CACNA1I: variants seen among roughly 807,000 people sequenced by gnomAD.
The protein encoded by CACNA1I is calcium voltage-gated channel subunit alpha1 I.
CACNA1I carries 74 observed loss-of-function variants against 201.6 expected under a neutral mutation model. The observed-to-expected ratio is 0.37, with a 90% CI of 0.30 to 0.45. The LOEUF is 0.45. Ranked by LOEUF, CACNA1I falls within the 20% of genes least tolerant of loss-of-function variation. CACNA1I has a pLI of 1.00. For missense variants in CACNA1I, 2,346 were observed against 3,138.1 expected (o/e 0.75, Z 6.03); for synonymous variants, 1,431 against 1,345.2 (o/e 1.06, Z -1.40).
intron 7 of CACNA1I, among the ~76,000 whole-genome samples, chr22:39,643,794 G>A (rs1051924377): frequency 1.3e-5 from 2 of 152,190 alleles, no homozygotes; most frequent in African/African-American, 4.8e-5. Context: ...AAGGAGAGGG[G>A]CCAGATTTTA....
chr22:39,571,970 G>A (rs1330803879), intron 1 of CACNA1I, among the ~76,000 whole-genome samples: 1 of 152,196 alleles, frequency 6.6e-6, no homozygotes, highest in Non-Finnish European at 1.5e-5. Flanking sequence ...GCGTTGGTTG[G>A]GTAGAGAGGG....
chr22:39,620,009 GTCTATCCATCCATCCA>G (rs1933682487), intron 4 of CACNA1I, among the ~76,000 whole-genome samples: 1 of 93,040 alleles, frequency 1.1e-5, no homozygotes, highest in African/African-American at 4.6e-5. Context: ...CCATCCACCT[GTCTATCCATCCATCCA>G]TCCATCCATC....
chr22:39,577,598 T>C (rs1259148218), intron 1 of CACNA1I, among the ~76,000 whole-genome samples: 2 of 152,248 alleles, frequency 1.3e-5, no homozygotes, highest in Admixed American at 6.5e-5. Context: ...GCTGTGAACC[T>C]GGACTGCGCG....
Position 39,670,016 on chromosome 22 carries a change from G to C in CACNA1I, c.4195-22G>C, listed in dbSNP as rs372330278. The C allele has an allele frequency of 3.5e-5, 56 of 1,611,824 alleles. No homozygotes were observed. In the Middle Eastern group the frequency reaches 6.7e-4, roughly 19 times the overall value. ...CTGTAGGGCCCAATCAGCCTCCTCA[G>C]CCCTTTCTGACTCCCCTGCAGCCTG... On this transcript the variant is annotated intron_variant, in intron 24 of 36. Coordinates refer to ENST00000402142, the MANE Select transcript of CACNA1I (RefSeq NM_021096.4).
Position 39,641,173 on chromosome 22 carries a change from C to T in CACNA1I, c.1047C>T (p.Val349=). 1.2e-6 allele frequency: 2 copies of T among 1,612,512 alleles called. No individual in the cohort carries two copies. ...ACAACATCGGTTATGCTTGGATTGT[C>T]ATCTTCCAGGTGAGGCCATTCAGGC... The part of the protein sequence containing the change: ...NFDNIGYAWI[V]IFQVITLEGW... The change falls in exon 6 of 37, where the codon GTC becomes GTT. Residue 349 remains valine, a synonymous_variant. Transcript: ENST00000402142.
Position 39,600,657 on chromosome 22 carries a change from G to C in CACNA1I, c.482+4G>C, listed in dbSNP as rs60512481. 178 of 1,596,094 alleles carry C rather than the reference G, an allele frequency of 1.1e-4. No homozygotes were observed. The highest frequency in any genetic ancestry group is 1.7e-4 in the Middle Eastern group (1 of 5,988). On this transcript the variant is annotated splice_donor_region_variant and intron_variant, in intron 3 of 36. Transcript: ENST00000402142. ...ATTTCTTCATCGTCATGGCAGGGTA[G>C]GTAGCGCCCGCCAGGCAGGTCCTAG...
rs114427879 is a variant in CACNA1I at position 39,597,053 on chromosome 22, C to G, written c.237-1098C>G. On this transcript the variant is annotated intron_variant, in intron 1 of 36. Coordinates refer to ENST00000402142, the MANE Select transcript of CACNA1I (RefSeq NM_021096.4). ...GTTAAGTTCAGTCAGGCTGCATGGT[C>G]TGGAAGTTCACCTGGGTGTCTGACT... is the stretch of plus-strand genomic sequence containing the variant. Among the ~76,000 whole-genome samples, 870 of 152,298 alleles carry G rather than the reference C, an allele frequency of 5.7e-3. 6 individuals are homozygous for G. Among genetic ancestry groups the G allele is most frequent in the African/African-American group, 0.019 (791 of 41,540 alleles).
intron 1 of CACNA1I, among the ~76,000 whole-genome samples, chr22:39,579,815 T>C (rs1299207625): frequency 6.6e-6 from 1 of 152,020 alleles, no homozygotes; most frequent in Admixed American, 6.6e-5. Context: ...CCTGGCTAAG[T>C]TTTTTGTATT....
chr22:39,683,874 G>A (rs549662066), intron 35 of CACNA1I, among the ~76,000 whole-genome samples: 1 of 152,290 alleles, frequency 6.6e-6, no homozygotes, highest in East Asian at 1.9e-4. Flanking sequence ...CCCAGGCCTG[G>A]CCAGGCCCCA....
intron 3 of CACNA1I, among the ~76,000 whole-genome samples, chr22:39,608,612 A>G (rs538010716): frequency 1.1e-4 from 17 of 150,964 alleles, no homozygotes; most frequent in Non-Finnish European, 2.2e-4. Context: ...GCCGAGGTGG[A>G]TGGATCGCTT....
At chr22:39,612,562 T>G (rs1192128557) in intron 3 of CACNA1I, among the ~76,000 whole-genome samples, 1 of 152,168 alleles carries the variant, frequency 6.6e-6, no homozygotes, top group African/African-American at 2.4e-5. Flanking sequence ...AGTCCTCACT[T>G]GAGTCCTCAC....
In CACNA1I at chr22:39,665,792, C is replaced by G. The variant is rs1935171311; in HGVS notation, c.3979-89C>G. On this transcript the variant is annotated intron_variant, in intron 22 of 36. Coordinates refer to ENST00000402142, the MANE Select transcript of CACNA1I (RefSeq NM_021096.4). This position sits in a 1 kb window ranked among gnomAD's most constrained non-coding sequence, Gnocchi z 5.5. The stretch of plus-strand genomic sequence containing the variant: ...TGGGCCCAGATGACTGAGCACAAGA[C>G]AGTCTGAGTAAACGCGATCGAGAGG... 1 of 1,577,930 alleles carries G rather than the reference C, an allele frequency of 6.3e-7. No homozygotes were observed. Among genetic ancestry groups the G allele is most frequent in the Admixed American group, 1.7e-5 (1 of 59,650 alleles).
rs991695613 is a variant in CACNA1I at position 39,684,321 on chromosome 22, C to T, written c.5850C>T (p.Ser1950=). ...CAGCAGCACCCCCAAGTCCCTTCTCCCCGGATGCCTCCAGCCCTCTCCTGC... is the reference window on the plus strand; with the variant it reads ...CAGCAGCACCCCCAAGTCCCTTCTCTCCGGATGCCTCCAGCCCTCTCCTGC... ...DSSQAPPSPF[S]PDASSPLLPM... is the part of the protein sequence containing the mutation. Residue 1950 remains serine (S), a synonymous_variant, in exon 36 of 37, where the codon TCC becomes TCT. Transcript: ENST00000402142. This position sits in a 1 kb window ranked among gnomAD's most constrained non-coding sequence, Gnocchi z 4.6. The T allele has an allele frequency of 6.2e-7, 1 of 1,613,394 alleles. No individual in the cohort carries two copies. Among genetic ancestry groups the T allele is most frequent in the Admixed American group, 1.7e-5 (1 of 59,982 alleles).
At position 39,685,027 on chromosome 22, in the gene CACNA1I, G is replaced by T. The variant is rs532523643; in HGVS notation, c.6027+529G>T. On this transcript the variant is annotated intron_variant, in intron 36 of 36. Transcript: ENST00000402142. The surrounding 1 kb of genome is among the most constrained non-coding windows in gnomAD (Gnocchi z 5.0). ...GAAGCACTGAGGGCTCCGCTGTGGG[G>T]GTGGGGAAATGGGGCCGGGCCGGCT... 335 of 186,962 alleles carry T rather than the reference G, an allele frequency of 1.8e-3. No individual in the cohort carries two copies. Among genetic ancestry groups the T allele is most frequent in the African/African-American group, 7.5e-3 (318 of 42,446 alleles). 11.6% of individuals were successfully genotyped at this position (186,962 alleles called of 1,614,324 possible).
rs149938037 is a variant in CACNA1I, at chr22:39,640,903, G to A, written c.777G>A (p.Pro259=). 6.1e-3 allele frequency: 9,860 copies of A among 1,613,690 alleles called. 62 individuals carry two copies. Among genetic ancestry groups the A allele is most frequent in the Middle Eastern group, 0.027 (164 of 6,060 alleles). ...GDVALPPYYQ[P]EEDDEMPFIC... ...TGGCCTTGCCCCCATACTACCAGCCGGAGGAGGATGATGAGATGCCCTTCA... is the reference window on the plus strand; with the variant it reads ...TGGCCTTGCCCCCATACTACCAGCCAGAGGAGGATGATGAGATGCCCTTCA... Residue 259 remains proline, a synonymous_variant, in exon 6 of 37, where the codon CCG becomes CCA. Transcript: ENST00000402142.
chr22:39,661,139 C>T lies in CACNA1I; in HGVS notation c.2730C>T (p.Pro910=), dbSNP rs1934993749. ...DPKLCPIPMT[P]NGHLDPSLPL... ...AGCTCTGCCCAATCCCCATGACCCC[C>T]AATGGGCACCTGGACCCCAGTCTCC... is the stretch of plus-strand genomic sequence containing the variant. Residue 910 remains proline (P), a synonymous_variant, in exon 16 of 37, where the codon CCC becomes CCT. Coordinates refer to ENST00000402142, the MANE Select transcript of CACNA1I (RefSeq NM_021096.4). The T allele has an allele frequency of 2.5e-6, 4 of 1,613,368 alleles. No homozygotes were observed. The highest frequency in any genetic ancestry group is 1.3e-5 in the African/African-American group (1 of 74,922).
At chr22:39,616,553 T>C (rs1158949653) in intron 3 of CACNA1I, among the ~76,000 whole-genome samples, 1 of 151,682 alleles carries the variant, frequency 6.6e-6, no homozygotes, top group Non-Finnish European at 1.5e-5. Context: ...TCATCTGAGG[T>C]TGGGAGTTCG....
At chr22:39,643,643 G>A (rs182221935) in intron 7 of CACNA1I, 3 of 152,476 alleles carry the variant, frequency 2.0e-5, no homozygotes, top group African/African-American at 7.2e-5. Context: ...CCAGGGCAGT[G>A]CCCCATCCTG....
intron 10 of CACNA1I, 135 bp from the exon 11 acceptor site, chr22:39,658,017 G>T: frequency 1.2e-6 from 1 of 858,964 alleles, no homozygotes; most frequent in African/African-American, 1.7e-5. Flanking sequence ...CTTGTGCATG[G>T]GGCAGTGGGG....
Sources: allele counts gnomAD v4.1 joint callset (sites outside exome capture counted in the v4.1 genomes callset), GRCh38; gene constraint gnomAD v4.1.1; non-coding constraint Gnocchi (gnomAD v3.1); transcripts MANE v1.5; gene names NCBI Gene and HGNC (gene_info 2026-07-23, HGNC 2026-07-21).